AK5: variants seen among roughly 807,000 people sequenced by gnomAD.
AK5 encodes adenylate kinase 5, also known as adenylate kinase isoenzyme 5.
A neutral mutation model predicts 69.5 loss-of-function variants in AK5; 27 were observed. The observed-to-expected ratio is 0.39, with a 90% CI of 0.29 to 0.54. The LOEUF (loss-of-function observed/expected upper bound fraction) is 0.54, where lower values mean the gene tolerates loss of function less well. Among genes scored for constraint, AK5 ranks in the 20% least tolerant of loss-of-function variants. The pLI is 0.71. For missense variants in AK5, 531 were observed against 700.4 expected, an observed-to-expected ratio of 0.76 and a Z score of 2.73; for synonymous variants, 260 against 244.4, an observed-to-expected ratio of 1.06 and a Z score of -0.60.
At chr1:77,308,280 AAAG>A (rs1659753180) in intron 5 of AK5, among the ~76,000 whole-genome samples, 1 of 151,992 alleles carries the variant, frequency 6.6e-6, no homozygotes. Flanking sequence ...TGTCATTTTA[AAAG>A]AAGAGGAGGA....
At chr1:77,361,572 G>A (rs1027091713) in intron 6 of AK5, among the ~76,000 whole-genome samples, 1 of 152,146 alleles carries the variant, frequency 6.6e-6, no homozygotes, top group Non-Finnish European at 1.5e-5. Context: ...CATGAGCCCT[G>A]TGTATTAGTC....
chr1:77,317,746 A>G (rs1045878681), intron 5 of AK5, among the ~76,000 whole-genome samples: 2 of 152,176 alleles, frequency 1.3e-5, no homozygotes, highest in Admixed American at 1.3e-4. Flanking sequence ...TTTCATGACA[A>G]TTATTGTCCA....
chr1:77,317,026 T>A (rs970124452), intron 5 of AK5, among the ~76,000 whole-genome samples: 1 of 152,182 alleles, frequency 6.6e-6, no homozygotes, highest in Non-Finnish European at 1.5e-5. Context: ...GTGCTTTATA[T>A]GGGTCAGGAA....
chr1:77,483,051 A>C (rs1485526106), intron 8 of AK5, among the ~76,000 whole-genome samples: 2 of 144,866 alleles, frequency 1.4e-5, no homozygotes, highest in Non-Finnish European at 3.0e-5. Flanking sequence ...GAGGTGAGAT[A>C]CTGTACTGGT....
rs1553164270 is a variant in AK5 at position 77,559,462 on chromosome 1, G to GTAAC, written c.*794_*797dup. ...TATAAATTAATATAAATGACCAAAA[G>GTAAC]TAACTTAAAAGCATGAGATATTTGC... On this transcript the variant is annotated 3_prime_UTR_variant, in exon 14 of 14. Coordinates refer to ENST00000354567, the MANE Select transcript of AK5 (RefSeq NM_174858.3). 4 of 152,070 alleles carry GTAAC rather than the reference G, an allele frequency of 2.6e-5. No homozygotes were observed. The highest frequency in any genetic ancestry group is 5.9e-5 in the Non-Finnish European group (4 of 68,030). 9.4% of individuals were successfully genotyped at this position (152,070 alleles called of 1,614,324 possible).
chr1:77,425,103 A>C (rs1651106608), intron 8 of AK5, among the ~76,000 whole-genome samples: 1 of 152,206 alleles, frequency 6.6e-6, no homozygotes, highest in African/African-American at 2.4e-5. Flanking sequence ...CAGGAAGAAA[A>C]TGGAGTAAAA....
At chr1:77,354,023 A>G (rs1032174412) in intron 6 of AK5, among the ~76,000 whole-genome samples, 1 of 152,152 alleles carries the variant, frequency 6.6e-6, no homozygotes, top group Non-Finnish European at 1.5e-5. Flanking sequence ...ACACTCTGGA[A>G]CAGAGATTAT....
chr1:77,420,874 T>C (rs536660768), intron 8 of AK5, among the ~76,000 whole-genome samples: 303 of 152,322 alleles, frequency 2.0e-3, no homozygotes, highest in African/African-American at 7.0e-3. Flanking sequence ...TATTTTAGGC[T>C]TTGTGGGCCC....
intron 5 of AK5, among the ~76,000 whole-genome samples, chr1:77,337,943 A>G (rs946055403): frequency 6.6e-5 from 10 of 151,142 alleles, no homozygotes; most frequent in Non-Finnish European, 1.0e-4. Flanking sequence ...AAGACGAGAC[A>G]TCTGAACAAT....
chr1:77,363,127 A>G lies in AK5; in HGVS notation c.891+22559A>G, dbSNP rs1423742393. ...CACTTGGATGTCTAATAGGCGTCTCAGGTGTAACACATACAGACTGACCCC... is the reference window on the plus strand; with the variant it reads ...CACTTGGATGTCTAATAGGCGTCTCGGGTGTAACACATACAGACTGACCCC... On this transcript the variant is annotated intron_variant, in intron 6 of 13. Coordinates refer to ENST00000354567, the MANE Select transcript of AK5 (RefSeq NM_174858.3). Among the ~76,000 whole-genome samples, 3 of 152,162 alleles carry G rather than the reference A, an allele frequency of 2.0e-5. No individual in the cohort carries two copies. In the East Asian group the frequency reaches 5.8e-4, roughly 29 times the overall value.
chr1:77,411,160 C>G (rs1007177809), intron 7 of AK5, 89 bp downstream of exon 7: 1 of 1,077,038 alleles, frequency 9.3e-7, no homozygotes, highest in Admixed American at 2.5e-5. Flanking sequence ...GTTCAACAAA[C>G]TGCTGCAAGT....
chr1:77,347,039 T>C (rs1025676296), intron 6 of AK5, among the ~76,000 whole-genome samples: 44 of 152,192 alleles, frequency 2.9e-4, no homozygotes, highest in Non-Finnish European at 4.8e-4. Context: ...TCCATTGTCA[T>C]GTAACCAAAA....
chr1:77,481,432 G>A (rs1354714128), intron 8 of AK5, among the ~76,000 whole-genome samples: 1 of 152,190 alleles, frequency 6.6e-6, no homozygotes, highest in Non-Finnish European at 1.5e-5. Context: ...TAATGTAAAT[G>A]TGTCCCTGAA....
At chr1:77,501,178 T>C (rs958533539) in intron 10 of AK5, among the ~76,000 whole-genome samples, 2 of 152,178 alleles carry the variant, frequency 1.3e-5, no homozygotes, top group African/African-American at 2.4e-5. Context: ...ATCACAGCAG[T>C]AGGGCTATGC....
intron 13 of AK5, among the ~76,000 whole-genome samples, chr1:77,541,420 AG>A (rs1453614162): frequency 6.6e-6 from 1 of 152,224 alleles, no homozygotes; most frequent in African/African-American, 2.4e-5. Context: ...TTCCAAAAAA[AG>A]AAAAAAGAAA....
chr1:77,308,647 C>T (rs567872455), intron 5 of AK5, among the ~76,000 whole-genome samples: 9 of 151,914 alleles, frequency 5.9e-5, no homozygotes, highest in African/African-American at 1.9e-4. Flanking sequence ...TATAGAATTT[C>T]GTATTTCATG....
chr1:77,443,368 A>G lies in AK5; in HGVS notation c.1059+25653A>G, dbSNP rs190253865. The stretch of plus-strand genomic sequence containing the variant: ...AAACAAGAGCATGGAGTCTTAACCC[A>G]GATAGACATGGATCAAATTGCAAGG... On this transcript the variant is annotated intron_variant, in intron 8 of 13. Coordinates refer to ENST00000354567, the MANE Select transcript of AK5 (RefSeq NM_174858.3). Among the ~76,000 whole-genome samples the G allele has an allele frequency of 3.6e-3, 541 of 152,302 alleles. 3 individuals are homozygous for G. The highest frequency in any genetic ancestry group is 4.2e-3 in the Non-Finnish European group (284 of 68,024).
intron 6 of AK5, among the ~76,000 whole-genome samples, chr1:77,409,137 C>A (rs1649864940): frequency 6.6e-6 from 1 of 152,096 alleles, no homozygotes; most frequent in Admixed American, 6.6e-5. Context: ...TATATATGTA[C>A]CACATTTCCT....
intron 10 of AK5, among the ~76,000 whole-genome samples, chr1:77,504,993 T>C (rs1044690775): frequency 6.6e-6 from 1 of 152,218 alleles, no homozygotes; most frequent in African/African-American, 2.4e-5. Context: ...AAACAGTGAT[T>C]TTTTTCTCTT....
Sources: gnomAD v4.1 joint callset for allele counts (sites outside exome capture counted in the v4.1 genomes callset) on GRCh38, gnomAD v4.1.1 for gene constraint, MANE v1.5 for transcripts, NCBI Gene and HGNC (gene_info 2026-07-23, HGNC 2026-07-21) for gene names.